TANC2: variants seen among roughly 807,000 people sequenced by gnomAD.
The protein encoded by TANC2 is protein TANC2.
In TANC2, 26 loss-of-function variants were observed where a neutral mutation model predicts 210.5. That is an observed-to-expected ratio of 0.12 (90% CI 0.09 to 0.17). The LOEUF (loss-of-function observed/expected upper bound fraction) is 0.17. TANC2 is among the 10% of genes least tolerant of loss of function. The pLI, the probability that TANC2 is intolerant of heterozygous loss-of-function variation, is 1.00. For missense variants in TANC2, 2,129 were observed against 2,608.9 expected (o/e 0.82, Z 4.01); for synonymous variants, 931 against 967.1 (o/e 0.96, Z 0.69).
In TANC2 at chr17:63,296,831, A is replaced by G. The variant is rs887120563; in HGVS notation, c.1160-17557A>G. Reference sequence around the variant, plus strand: ...ATTTGAGTAGGCAGAAGCAGAAGAAATAGTGAACTCGAAGATAAACAGTTG... The same window carrying G: ...ATTTGAGTAGGCAGAAGCAGAAGAAGTAGTGAACTCGAAGATAAACAGTTG... On this transcript the variant is annotated intron_variant, in intron 9 of 27. Transcript: ENST00000689528. Among the ~76,000 whole-genome samples, 8 of 152,202 alleles carry G rather than the reference A, an allele frequency of 5.3e-5. No homozygotes were observed. The East Asian group carries it at 1.3e-3, about 26-fold the overall frequency.
chr17:63,057,379 G>T (rs1014923120), intron 2 of TANC2, among the ~76,000 whole-genome samples: 1 of 152,066 alleles, frequency 6.6e-6, no homozygotes, highest in African/African-American at 2.4e-5. Flanking sequence ...TTTTGTTAAA[G>T]TGAATCTTTA....
intron 1 of TANC2, among the ~76,000 whole-genome samples, chr17:62,968,739 G>A (rs983964547): frequency 3.3e-5 from 5 of 152,156 alleles, no homozygotes; most frequent in Non-Finnish European, 5.9e-5. Flanking sequence ...TCTTGATAGA[G>A]TATTATGTAG....
chr17:63,072,483 A>G (rs2036430084), intron 2 of TANC2, among the ~76,000 whole-genome samples: 1 of 152,100 alleles, frequency 6.6e-6, no homozygotes, highest in Non-Finnish European at 1.5e-5. Flanking sequence ...TTTTGTCAAC[A>G]TGTCTATTTT....
chr17:63,260,776 A>T (rs923906328), intron 8 of TANC2, among the ~76,000 whole-genome samples: 28 of 151,944 alleles, frequency 1.8e-4, no homozygotes, highest in East Asian at 3.9e-4. Context: ...AAAAAAAAAA[A>T]TTTCTTTTGC....
At chr17:63,005,896 T>TTGTGTGTGTG (rs56763847) in intron 1 of TANC2, among the ~76,000 whole-genome samples, 34 of 132,844 alleles carry the variant, frequency 2.6e-4, no homozygotes, top group East Asian at 1.6e-3. Flanking sequence ...GCTGTATAGT[T>TTGTGTGTGTG]TGTGTGTGTG....
intron 3 of TANC2, among the ~76,000 whole-genome samples, chr17:63,096,107 G>C (rs1319190544): frequency 6.6e-6 from 1 of 151,998 alleles, no homozygotes; most frequent in Non-Finnish European, 1.5e-5. Flanking sequence ...CTTTGTTTAT[G>C]TAACTGTAAA....
chr17:63,075,845 A>G (rs1237888989), intron 3 of TANC2, among the ~76,000 whole-genome samples: 1 of 152,178 alleles, frequency 6.6e-6, no homozygotes, highest in Admixed American at 6.6e-5. Context: ...AAAACTATCA[A>G]TAATGAGTTG....
chr17:62,981,626 A>G (rs1199074716), intron 1 of TANC2, among the ~76,000 whole-genome samples: 1 of 152,030 alleles, frequency 6.6e-6, no homozygotes, highest in Non-Finnish European at 1.5e-5. Context: ...GATACTGACT[A>G]CCTTGAATTA....
intron 4 of TANC2, among the ~76,000 whole-genome samples, chr17:63,113,434 A>G (rs1230601955): frequency 6.6e-6 from 1 of 152,182 alleles, no homozygotes; most frequent in Non-Finnish European, 1.5e-5. Context: ...GTAAATGCGC[A>G]TCCTTACCTT....
chr17:63,409,255 T>C (rs2048613056), intron 21 of TANC2, among the ~76,000 whole-genome samples: 1 of 152,140 alleles, frequency 6.6e-6, no homozygotes, highest in Admixed American at 6.6e-5. Flanking sequence ...CACCAAAGCC[T>C]GGAACCCCTG....
chr17:63,398,967 C>A, intron 19 of TANC2, 53 bp downstream of exon 19: 1 of 1,296,944 alleles, frequency 7.7e-7, no homozygotes, highest in Non-Finnish European at 1.1e-6. Flanking sequence ...TGTGGACTCT[C>A]GAATCTCACC....
chr17:63,043,958 T>C (rs2035285840), intron 2 of TANC2, among the ~76,000 whole-genome samples: 3 of 152,166 alleles, frequency 2.0e-5, no homozygotes, highest in Admixed American at 2.0e-4. Flanking sequence ...CTTCTGTGTA[T>C]TTCTGAACTT....
chr17:63,419,626 T>G (rs1201025195), intron 27 of TANC2, among the ~76,000 whole-genome samples: 10 of 152,198 alleles, frequency 6.6e-5, no homozygotes, highest in Admixed American at 6.5e-4. Flanking sequence ...TATGTAGTTT[T>G]TTTTGTTCCT....
chr17:63,181,876 T>G (rs1280499437), intron 5 of TANC2, among the ~76,000 whole-genome samples: 2 of 152,242 alleles, frequency 1.3e-5, no homozygotes, highest in Non-Finnish European at 2.9e-5. Context: ...TGTTCTCATC[T>G]ACCTTCAGCT....
chr17:63,207,243 T>A (rs796211677), intron 7 of TANC2, among the ~76,000 whole-genome samples: 138 of 137,348 alleles, frequency 1.0e-3, no homozygotes, highest in African/African-American at 3.8e-3. Flanking sequence ...TGAGACAGAG[T>A]CTCGCACTTT....
At chr17:63,207,718 C>T (rs1238628824) in intron 7 of TANC2, among the ~76,000 whole-genome samples, 3 of 152,042 alleles carry the variant, frequency 2.0e-5, no homozygotes, top group Non-Finnish European at 2.9e-5. Flanking sequence ...GGGCTTGTGT[C>T]GTTAGTCATA....
intron 5 of TANC2, chr17:63,152,115 G>A (rs1163120203): frequency 6.6e-6 from 1 of 152,152 alleles, no homozygotes; most frequent in Admixed American, 6.5e-5. Flanking sequence ...CACAGCTCTA[G>A]CTGAGTATAC....
chr17:63,075,849 T>G (rs1434507177), intron 3 of TANC2, among the ~76,000 whole-genome samples: 1 of 151,972 alleles, frequency 6.6e-6, no homozygotes, highest in East Asian at 1.9e-4. Flanking sequence ...CTATCAATAA[T>G]GAGTTGAAAT....
At chr17:63,194,941 C>A (rs535267819) in intron 6 of TANC2, among the ~76,000 whole-genome samples, 1 of 151,840 alleles carries the variant, frequency 6.6e-6, no homozygotes, top group African/African-American at 2.4e-5. Flanking sequence ...TAATCTTCAG[C>A]GTGAATGTCT....
Sources: allele counts gnomAD v4.1 joint callset (sites outside exome capture counted in the v4.1 genomes callset), GRCh38; gene constraint gnomAD v4.1.1; transcripts MANE v1.5; gene names NCBI Gene and HGNC (gene_info 2026-07-23, HGNC 2026-07-21).